Variants in SGCD observed in about 807,000 individuals in gnomAD.
The protein encoded by SGCD is sarcoglycan delta.
Under a neutral mutation model 36.6 loss-of-function variants are expected in SGCD, and 18 were observed. The observed-to-expected ratio is 0.49, with a 90% CI of 0.34 to 0.73. SGCD has a LOEUF of 0.73. Ranked by LOEUF, SGCD falls within the 30% of genes least tolerant of loss-of-function variation. The probability of loss-of-function intolerance (pLI) is 0.01; values close to 1 mark genes in which losing one functional copy is unlikely to be tolerated. For synonymous variants in SGCD, 133 were observed against 130.6 expected (o/e 1.02, Z -0.12); for missense variants, 387 against 346.7 (o/e 1.12, Z -0.92).
intron 4 of SGCD, among the ~76,000 whole-genome samples, chr5:156,524,830 T>A (rs1329257526): frequency 6.6e-6 from 1 of 152,116 alleles, no homozygotes; most frequent in Non-Finnish European, 1.5e-5. Flanking sequence ...AGTGAGACTA[T>A]GCAGTATTTG....
intron 3 of SGCD, among the ~76,000 whole-genome samples, chr5:156,228,252 C>T (rs1218425701): frequency 6.6e-6 from 1 of 152,024 alleles, no homozygotes; most frequent in African/African-American, 2.4e-5. Flanking sequence ...ATTGCGGTCC[C>T]CCACTATTAT....
At chr5:156,457,986 A>G (rs1050498363) in intron 3 of SGCD, among the ~76,000 whole-genome samples, 13 of 151,964 alleles carry the variant, frequency 8.6e-5, no homozygotes, top group African/African-American at 2.9e-4. Context: ...ATGTGGGCCA[A>G]CCCCTCCCCA....
At chr5:156,100,081 A>G (rs756241993) in intron 1 of SGCD, among the ~76,000 whole-genome samples, 4 of 152,160 alleles carry the variant, frequency 2.6e-5, no homozygotes, top group Non-Finnish European at 4.4e-5. Context: ...ACAGTCTTCA[A>G]ATGATATAGT....
intron 3 of SGCD, among the ~76,000 whole-genome samples, chr5:156,432,506 C>T (rs1333862584): frequency 1.3e-5 from 2 of 152,050 alleles, no homozygotes; most frequent in East Asian, 1.9e-4. Flanking sequence ...AGGCATTGGG[C>T]GGGGCCATAA....
chr5:156,702,714 T>A (rs1017123359), intron 7 of SGCD, among the ~76,000 whole-genome samples: 1 of 152,188 alleles, frequency 6.6e-6, no homozygotes, highest in Admixed American at 6.5e-5. Flanking sequence ...TTTATATTTT[T>A]TGTTACCCTT....
chr5:156,174,458 T>A (rs577772348), intron 3 of SGCD, among the ~76,000 whole-genome samples: 81 of 152,212 alleles, frequency 5.3e-4, no homozygotes, highest in African/African-American at 1.8e-3. Flanking sequence ...TAAGAGAGAT[T>A]GGAAGGGGCC....
At chr5:156,623,582 C>T (rs561986460) in intron 6 of SGCD, among the ~76,000 whole-genome samples, 5 of 152,300 alleles carry the variant, frequency 3.3e-5, no homozygotes, top group South Asian at 4.1e-4. Flanking sequence ...GTTCTGAACA[C>T]GGTGCATTGT....
chr5:155,997,555 TA>T (rs1758577573), intron 1 of SGCD, among the ~76,000 whole-genome samples: 1 of 152,210 alleles, frequency 6.6e-6, no homozygotes, highest in Admixed American at 6.5e-5. Flanking sequence ...CAACAAAAAC[TA>T]GAATGGATGG....
rs1343977666 is a variant in SGCD at position 156,062,461 on chromosome 5, C to T, written c.-281-55417C>T. 4.7e-4 allele frequency among the ~76,000 whole-genome samples: 55 copies of T among 116,496 alleles called. 3 individuals carry two copies. Among genetic ancestry groups the T allele is most frequent in the African/African-American group, 2.0e-3 (51 of 25,202 alleles). 76.4% of individuals were successfully genotyped at this position (116,496 alleles called of 152,430 possible). ...GGGTATATACCCAGTAATGGGATGG[C>T]TGGGTCAAATGGTATTTCTAGTTCT... On this transcript the variant is annotated intron_variant, in intron 1 of 9. Coordinates refer to the SGCD transcript ENST00000517913.
At chr5:155,967,735 A>G (rs986944811) in intron 1 of SGCD, among the ~76,000 whole-genome samples, 1 of 152,084 alleles carries the variant, frequency 6.6e-6, no homozygotes, top group African/African-American at 2.4e-5. Flanking sequence ...CTTCTGAGGC[A>G]GCCAAGAGTG....
rs563781593 is a variant in SGCD at position 156,739,459 on chromosome 5, G to A, written c.576-18122G>A. ...AGACAAATAAATAATTGCAAATTGC[G>A]TCCAGTGGCATGAAGGAAATGGATA... is the stretch of plus-strand genomic sequence containing the variant. On this transcript the variant is annotated intron_variant, in intron 7 of 8. Transcript: ENST00000337851. 8.8e-4 allele frequency among the ~76,000 whole-genome samples: 134 copies of A among 152,240 alleles called. No individual in the cohort carries two copies. The Middle Eastern group carries it at 0.014, about 15-fold the overall frequency.
At chr5:156,189,168 A>T (rs1031566440) in intron 3 of SGCD, among the ~76,000 whole-genome samples, 3 of 152,002 alleles carry the variant, frequency 2.0e-5, no homozygotes, top group African/African-American at 7.3e-5. Context: ...CATCCAACAA[A>T]CCTAACATGT....
At chr5:156,628,343 G>A (rs1005044425) in intron 6 of SGCD, among the ~76,000 whole-genome samples, 1 of 152,164 alleles carries the variant, frequency 6.6e-6, no homozygotes, top group Non-Finnish European at 1.5e-5. Context: ...ACTGGCAAGA[G>A]CCAACTTGGT....
chr5:156,467,606 A>G (rs1454477887), intron 3 of SGCD, among the ~76,000 whole-genome samples: 1 of 152,236 alleles, frequency 6.6e-6, no homozygotes, highest in Non-Finnish European at 1.5e-5. Context: ...TTCTGCAACT[A>G]TCATTGTATT....
chr5:156,086,872 C>T (rs1268726485), intron 1 of SGCD, among the ~76,000 whole-genome samples: 1 of 152,168 alleles, frequency 6.6e-6, no homozygotes, highest in Non-Finnish European at 1.5e-5. Context: ...CAGCTAATTC[C>T]ATTCTCTTCC....
rs905135088 is a variant in SGCD, at chr5:156,512,694, C to T, written c.294+3992C>T. Among the ~76,000 whole-genome samples, 8 of 152,150 alleles carry T rather than the reference C, an allele frequency of 5.3e-5. 1 individual carries two copies. Among genetic ancestry groups the T allele is most frequent in the Admixed American group, 1.3e-4 (2 of 15,270 alleles). On this transcript the variant is annotated intron_variant, in intron 4 of 8. Transcript: ENST00000337851. ...TAAAATATGTCTGTTCACATGAAAC[C>T]ACCACAATCGAGATAACGAATGTAT...
chr5:156,669,865 T>A (rs1195000072), intron 7 of SGCD, among the ~76,000 whole-genome samples: 1 of 152,196 alleles, frequency 6.6e-6, no homozygotes, highest in African/African-American at 2.4e-5. Context: ...GTCCTAGATT[T>A]TTTTTAATCT....
chr5:155,957,942 G>T (rs1212880684), intron 1 of SGCD, among the ~76,000 whole-genome samples: 1 of 152,072 alleles, frequency 6.6e-6, no homozygotes, highest in Non-Finnish European at 1.5e-5. Flanking sequence ...CAGAGTTGTA[G>T]GTAGGTAGTC....
chr5:156,174,999 A>C (rs1763431823), intron 3 of SGCD, among the ~76,000 whole-genome samples: 2 of 152,228 alleles, frequency 1.3e-5, no homozygotes, highest in African/African-American at 2.4e-5. Flanking sequence ...CAAGAACAGT[A>C]AACTTACTAG....
Sources: gnomAD v4.1 joint callset for allele counts (sites outside exome capture counted in the v4.1 genomes callset) on GRCh38, gnomAD v4.1.1 for gene constraint, MANE v1.5 for transcripts, NCBI Gene and HGNC (gene_info 2026-07-23, HGNC 2026-07-21) for gene names.